CAMTA1: variants seen among roughly 807,000 people sequenced by gnomAD.
CAMTA1 encodes calmodulin binding transcription activator 1.
Under a neutral mutation model 170.9 loss-of-function variants are expected in CAMTA1, and 27 were observed. The observed-to-expected ratio is 0.16, with a 90% confidence interval of 0.12 to 0.22. CAMTA1 has a LOEUF of 0.22. Among genes scored for constraint, CAMTA1 ranks in the 10% least tolerant of loss-of-function variants. The pLI, the probability that CAMTA1 is intolerant of heterozygous loss-of-function variation, is 1.00. For missense variants in CAMTA1, 1,619 were observed against 2,217.2 expected (o/e 0.73, Z 5.42); for synonymous variants, 833 against 891.5 (o/e 0.93, Z 1.17).
At chr1:6,886,070 G>A (rs1208845722) in intron 3 of CAMTA1, among the ~76,000 whole-genome samples, 1 of 152,162 alleles carries the variant, frequency 6.6e-6, no homozygotes, top group African/African-American at 2.4e-5. Context: ...CTTGGGCAAG[G>A]GTGCTGGTCC....
intron 5 of CAMTA1, among the ~76,000 whole-genome samples, chr1:7,385,664 C>G (rs943383146): frequency 6.6e-6 from 1 of 152,154 alleles, no homozygotes; most frequent in Non-Finnish European, 1.5e-5. Context: ...AGGCCAGCCC[C>G]GAGGCCTGTT....
At chr1:7,087,720 C>T (rs772920573) in intron 3 of CAMTA1, among the ~76,000 whole-genome samples, 5 of 152,186 alleles carry the variant, frequency 3.3e-5, no homozygotes, top group African/African-American at 4.8e-5. Context: ...GTTCCTATTT[C>T]ATAGTTTGTT....
chr1:7,232,245 A>C (rs1301915003), intron 4 of CAMTA1, among the ~76,000 whole-genome samples: 1 of 218 alleles, frequency 4.6e-3, no homozygotes, highest in Non-Finnish European at 0.01. Flanking sequence ...TCAGTGGCTG[A>C]GCAAGGCACC....
At chr1:6,954,897 C>T (rs1318548198) in intron 3 of CAMTA1, among the ~76,000 whole-genome samples, 1 of 152,082 alleles carries the variant, frequency 6.6e-6, no homozygotes, top group Non-Finnish European at 1.5e-5. Flanking sequence ...GCAGCCCTCC[C>T]CTTCTCAAGA....
intron 5 of CAMTA1, among the ~76,000 whole-genome samples, chr1:7,270,177 C>G (rs1282233340): frequency 2.1e-5 from 3 of 145,752 alleles, no homozygotes; most frequent in Admixed American, 6.9e-5. Flanking sequence ...GCTAGCAGAT[C>G]TATACTACAG....
chr1:7,208,892 C>T (rs751136843), intron 4 of CAMTA1, among the ~76,000 whole-genome samples: 3 of 152,148 alleles, frequency 2.0e-5, no homozygotes, highest in Admixed American at 1.3e-4. Flanking sequence ...TTGAGCCCTT[C>T]GTATAGAAAG....
intron 12 of CAMTA1, among the ~76,000 whole-genome samples, chr1:7,735,999 T>C (rs1408401501): frequency 6.6e-6 from 1 of 151,964 alleles, no homozygotes; most frequent in African/African-American, 2.4e-5. Flanking sequence ...GGTCTCGAAC[T>C]CCTGACCACA....
At chr1:7,597,626 G>A (rs1372784089) in intron 6 of CAMTA1, among the ~76,000 whole-genome samples, 1 of 152,098 alleles carries the variant, frequency 6.6e-6, no homozygotes, top group African/African-American at 2.4e-5. Flanking sequence ...AAATTCTACA[G>A]AGTAGGTCAA....
intron 4 of CAMTA1, among the ~76,000 whole-genome samples, chr1:7,155,341 GC>G (rs1392994585): frequency 1.3e-4 from 20 of 150,996 alleles, no homozygotes; most frequent in Admixed American, 1.3e-3. Context: ...CTCGGAGGGA[GC>G]CTGTGGGAGG....
At chr1:7,361,368 G>A (rs559862365) in intron 5 of CAMTA1, among the ~76,000 whole-genome samples, 5 of 152,286 alleles carry the variant, frequency 3.3e-5, no homozygotes, top group African/African-American at 1.2e-4. Context: ...AGTCAACCAG[G>A]GAATCTTCAG....
intron 3 of CAMTA1, among the ~76,000 whole-genome samples, chr1:6,944,463 T>C (rs1173234061): frequency 6.6e-6 from 1 of 152,148 alleles, no homozygotes. Context: ...CATCACGTCC[T>C]GCAGCCACAC....
intron 6 of CAMTA1, among the ~76,000 whole-genome samples, chr1:7,521,257 C>T (rs1026050681): frequency 1.3e-5 from 2 of 152,266 alleles, no homozygotes; most frequent in South Asian, 2.1e-4. Context: ...ACCCCATCAG[C>T]GCCCCCATTT....
chr1:7,477,032 C>T (rs369288190), intron 6 of CAMTA1, among the ~76,000 whole-genome samples: 2 of 152,154 alleles, frequency 1.3e-5, no homozygotes, highest in African/African-American at 4.8e-5. Flanking sequence ...CCCCAGCAGA[C>T]GCTTGCGCCA....
intron 5 of CAMTA1, among the ~76,000 whole-genome samples, chr1:7,278,527 T>C (rs1239813713): frequency 6.6e-6 from 1 of 152,242 alleles, no homozygotes; most frequent in Non-Finnish European, 1.5e-5. Context: ...AACTCTGCAA[T>C]GTTTCATCGA....
chr1:7,077,406 G>A (rs80186384), intron 3 of CAMTA1, among the ~76,000 whole-genome samples: 9,080 of 151,862 alleles, frequency 0.06, 310 homozygotes, highest in African/African-American at 0.095. Context: ...CAGTTCTAAT[G>A]GCTCTCTCTG....
intron 3 of CAMTA1, among the ~76,000 whole-genome samples, chr1:6,986,750 C>G (rs917909920): frequency 6.6e-6 from 1 of 152,030 alleles, no homozygotes; most frequent in Non-Finnish European, 1.5e-5. Flanking sequence ...GTACCTGGTA[C>G]CAAGTGGGTT....
chr1:7,107,003 C>T (rs540156088), intron 4 of CAMTA1, among the ~76,000 whole-genome samples: 5 of 151,880 alleles, frequency 3.3e-5, no homozygotes, highest in East Asian at 3.9e-4. Flanking sequence ...AGGGACAGCT[C>T]GTGTCATCAG....
intron 3 of CAMTA1, among the ~76,000 whole-genome samples, chr1:6,846,780 GA>G (rs1414219912): frequency 1.3e-5 from 2 of 152,224 alleles, no homozygotes; most frequent in East Asian, 3.8e-4. Context: ...AGAGGATTCA[GA>G]GGAGCTTGGC....
chr1:6,876,495 T>C (rs1438489334), intron 3 of CAMTA1, among the ~76,000 whole-genome samples: 1 of 152,102 alleles, frequency 6.6e-6, no homozygotes, highest in East Asian at 1.9e-4. Flanking sequence ...CCAAAGTAGC[T>C]GGGATTACAG....
Sources: gnomAD v4.1 joint callset for allele counts (sites outside exome capture counted in the v4.1 genomes callset) on GRCh38, gnomAD v4.1.1 for gene constraint, MANE v1.5 for transcripts, NCBI Gene and HGNC (gene_info 2026-07-23, HGNC 2026-07-21) for gene names.